Variants in COL4A3 observed in about 807,000 individuals in gnomAD.
COL4A3 encodes the protein collagen alpha-3(IV) chain.
A neutral mutation model predicts 217.4 loss-of-function variants in COL4A3; 135 were observed. The ratio of observed to expected loss-of-function variants is 0.62; its 90% CI spans 0.54 to 0.72. COL4A3 has a LOEUF of 0.72. Among genes scored for constraint, COL4A3 ranks in the 30% least tolerant of loss-of-function variants. The pLI is 0.00. For synonymous variants in COL4A3, 690 were observed against 736.3 expected, an observed-to-expected ratio of 0.94 and a Z score of 1.02; for missense variants, 1,868 against 2,119.9, an observed-to-expected ratio of 0.88 and a Z score of 2.33.
At chr2:227,177,297 C>A (rs1000384996) in intron 1 of COL4A3, among the ~76,000 whole-genome samples, 6 of 151,690 alleles carry the variant, frequency 4.0e-5, no homozygotes, top group African/African-American at 1.2e-4. Flanking sequence ...CTACAGGCGC[C>A]TGCCACCACT....
rs530109583 is a variant in COL4A3 at position 227,207,958 on chromosome 2, A to T, written c.88-30010A>T. ...TGGAGAAAAGAGAAGAAAAATAATTAAAAAATAGTAATGCATTCTCCTCTT... is the reference window on the plus strand; with the variant it reads ...TGGAGAAAAGAGAAGAAAAATAATTTAAAAATAGTAATGCATTCTCCTCTT... On this transcript the variant is annotated intron_variant, in intron 1 of 51. Transcript: ENST00000396578. Among the ~76,000 whole-genome samples, 8 of 152,304 alleles carry T rather than the reference A, an allele frequency of 5.3e-5. No homozygotes were observed. The South Asian group carries it at 6.2e-4, about 12-fold the overall frequency.
At chr2:227,192,053 TTCAAGCATTCATTTTTATCTCTCTGTGC>T (rs796542667) in intron 1 of COL4A3, among the ~76,000 whole-genome samples, 8 of 152,360 alleles carry the variant, frequency 5.3e-5, no homozygotes, top group African/African-American at 1.9e-4. Flanking sequence ...TTGCTCTAAA[TTCAAGCATTCATTTTTATCTCTCTGTGC>T]TCAAGTATTC....
intron 1 of COL4A3, among the ~76,000 whole-genome samples, chr2:227,196,445 G>A (rs2125718825): frequency 6.6e-6 from 1 of 151,584 alleles, no homozygotes; most frequent in East Asian, 1.9e-4. Flanking sequence ...AGCCTCCCGA[G>A]TAGCTGGGAC....
At chr2:227,189,575 TA>T (rs2066153094) in intron 1 of COL4A3, among the ~76,000 whole-genome samples, 2 of 152,194 alleles carry the variant, frequency 1.3e-5, no homozygotes, top group Non-Finnish European at 1.5e-5. Flanking sequence ...TTAGTATCGG[TA>T]AAAAGCCTGT....
intron 1 of COL4A3, among the ~76,000 whole-genome samples, chr2:227,229,317 A>G (rs1257769966): frequency 3.3e-5 from 5 of 152,252 alleles, no homozygotes; most frequent in Non-Finnish European, 7.3e-5. Context: ...ATTTTGTTAA[A>G]TAAAACATTG....
At chr2:227,207,536 G>A (rs1344972149) in intron 1 of COL4A3, among the ~76,000 whole-genome samples, 1 of 152,128 alleles carries the variant, frequency 6.6e-6, no homozygotes, top group African/African-American at 2.4e-5. Context: ...GTACAGTACA[G>A]GCTTCCCACC....
At chr2:227,280,370 A>G (rs1267814073) in intron 29 of COL4A3, 70 bp from the exon 30 acceptor site, 4 of 1,574,984 alleles carry the variant, frequency 2.5e-6, no homozygotes, top group East Asian at 4.5e-5. Flanking sequence ...TAGAGCCTCC[A>G]TAACAGAGAG....
chr2:227,282,475 AT>A lies in COL4A3; in HGVS notation c.2600del (p.Met867ArgfsTer16). On this transcript the variant is annotated frameshift_variant, in exon 32 of 52. Transcript: ENST00000396578. LOFTEE classifies it high-confidence loss of function. The surrounding 1 kb of genome is among the most constrained non-coding windows in gnomAD (Gnocchi z 4.4). ...SPGIPGHQGE[M>X]GPLGQRGYPG... The stretch of plus-strand genomic sequence containing the variant: ...AGGAATTCCAGGTCATCAAGGTGAA[AT>A]GGGACCACTGGGTCAAAGAGGATAT... 1.2e-6 allele frequency: 2 copies of A among 1,613,880 alleles called. No homozygotes were observed. The highest frequency in any genetic ancestry group is 1.7e-6 in the Non-Finnish European group (2 of 1,179,956).
Position 227,308,974 on chromosome 2 carries a change from T to C in COL4A3, c.4538T>C (p.Phe1513Ser), listed in dbSNP as rs765765769. 1 of 1,614,242 alleles carries C rather than the reference T, an allele frequency of 6.2e-7. No individual in the cohort carries two copies. Among genetic ancestry groups the C allele is most frequent in the Non-Finnish European group, 8.5e-7 (1 of 1,180,042 alleles). ...LFCNVNDVCN[F>S]ASRNDYSYWL... ...TGCAATGTCAATGATGTATGTAATTTTGCATCTCGAAATGATTATTCATAC... is the reference window on the plus strand; with the variant it reads ...TGCAATGTCAATGATGTATGTAATTCTGCATCTCGAAATGATTATTCATAC... Residue 1513 changes from phenylalanine to serine, a missense_variant, in exon 49 of 52, where the codon TTT becomes TCT. Physicochemically the swap from Phe to Ser is radical, Grantham distance 155. Coordinates refer to ENST00000396578, the MANE Select transcript of COL4A3 (RefSeq NM_000091.5).
intron 41 of COL4A3, among the ~76,000 whole-genome samples, chr2:227,297,307 A>G (rs1263794181): frequency 6.6e-6 from 1 of 152,258 alleles, no homozygotes; most frequent in Non-Finnish European, 1.5e-5. Context: ...TTATATTTAT[A>G]TAACACTTTA....
In COL4A3 at chr2:227,304,050, T is replaced by C. The variant is rs374672854; in HGVS notation, c.4059T>C (p.Ile1353=). The C allele has an allele frequency of 1.9e-6, 3 of 1,614,138 alleles. No homozygotes were observed. Among genetic ancestry groups the C allele is most frequent in the African/African-American group, 2.7e-5 (2 of 75,060 alleles). ...GTGGAGACCCTGGCACACTTAAGAT[T>C]ATCTCCCTTCCAGGAAGCCCAGGGC... ...GVRGDPGTLK[I]ISLPGSPGPP... The change falls in exon 46 of 52, where the codon ATT becomes ATC. Residue 1353 remains isoleucine, a synonymous_variant. Coordinates refer to ENST00000396578, the MANE Select transcript of COL4A3 (RefSeq NM_000091.5).
rs1270835651 is a variant in COL4A3 at position 227,263,738 on chromosome 2, A to C, written c.1151-42A>C. 1.9e-6 allele frequency: 3 copies of C among 1,574,080 alleles called. No homozygotes were observed. In the East Asian group the frequency reaches 6.9e-5, roughly 36 times the overall value. The stretch of plus-strand genomic sequence containing the variant: ...ATTAAAAAATAAATTCGTATTAATC[A>C]GGAAAAAATGTAAAATACAAGAAAT... On this transcript the variant is annotated intron_variant, in intron 20 of 51. Coordinates refer to ENST00000396578, the MANE Select transcript of COL4A3 (RefSeq NM_000091.5).
intron 10 of COL4A3, 24 bp downstream of exon 10, chr2:227,251,226 A>G: frequency 6.2e-7 from 1 of 1,607,634 alleles, no homozygotes; most frequent in Non-Finnish European, 8.5e-7. Context: ...CATCCTTGCT[A>G]CAGACTCTGT....
chr2:227,233,895 G>A (rs1319539405), intron 1 of COL4A3, among the ~76,000 whole-genome samples: 2 of 152,142 alleles, frequency 1.3e-5, no homozygotes, highest in African/African-American at 4.8e-5. Flanking sequence ...AGGTGTTCTT[G>A]GGGGTGAAAG....
intron 23 of COL4A3, among the ~76,000 whole-genome samples, chr2:227,267,458 A>G (rs748714200): frequency 1.3e-5 from 2 of 152,076 alleles, no homozygotes; most frequent in Non-Finnish European, 2.9e-5. Flanking sequence ...ACACAACCCT[A>G]CTCAGTCCAT....
chr2:227,290,616 G>A (rs1574805054), intron 36 of COL4A3, 131 bp from the exon 37 acceptor site: 1 of 743,652 alleles, frequency 1.3e-6, no homozygotes, highest in East Asian at 2.7e-5. Flanking sequence ...ATCATCTATT[G>A]TAACTACCTG....
At chr2:227,305,204 C>A (rs140507561) in intron 47 of COL4A3, 121 bp downstream of exon 47, 1 of 804,798 alleles carries the variant, frequency 1.2e-6, no homozygotes, top group African/African-American at 1.7e-5. Context: ...TCAGATCAGA[C>A]CAAAGGCCAA....
Position 227,312,208 on chromosome 2 carries a change from G to T in COL4A3, c.*338G>T. 7.1e-6 allele frequency: 2 copies of T among 283,330 alleles called. No homozygotes were observed. Among genetic ancestry groups the T allele is most frequent in the Non-Finnish European group, 6.9e-6 (1 of 145,124 alleles). 17.6% of individuals were successfully genotyped at this position (283,330 alleles called of 1,614,324 possible). A position where few individuals can be genotyped will look rare whatever the true frequency, so the allele number is the denominator to read the frequency against. ...CAAGTTATGAAATATTTGGCCCGCT[G>T]GATTCCCACATTTGTCTTCTTTCTG... On this transcript the variant is annotated 3_prime_UTR_variant, in exon 52 of 52. Transcript: ENST00000396578.
intron 1 of COL4A3, among the ~76,000 whole-genome samples, chr2:227,223,568 A>G (rs10181970): frequency 0.85 from 127,979 of 151,380 alleles, 54,289 homozygotes; most frequent in Admixed American, 0.89. Context: ...ACGCCCCCCC[A>G]ACTCTACTAA....
Sources: gnomAD v4.1 joint callset for allele counts (sites outside exome capture counted in the v4.1 genomes callset) on GRCh38, gnomAD v4.1.1 for gene constraint, Gnocchi (gnomAD v3.1) non-coding constraint, MANE v1.5 for transcripts, NCBI Gene and HGNC (gene_info 2026-07-23, HGNC 2026-07-21) for gene names.